BAZ2B: variants seen among roughly 807,000 people sequenced by gnomAD.
The protein encoded by BAZ2B is bromodomain adjacent to zinc finger domain protein 2B.
BAZ2B carries 91 observed loss-of-function variants against 246.0 expected under a neutral mutation model. The observed-to-expected ratio is 0.37, with a 90% CI of 0.31 to 0.44. BAZ2B has a LOEUF of 0.44. Ranked by LOEUF, BAZ2B falls within the 20% of genes least tolerant of loss-of-function variation. The probability of loss-of-function intolerance (pLI) is 1.00; values close to 1 mark genes in which losing one functional copy is unlikely to be tolerated. For synonymous variants in BAZ2B, 855 were observed against 860.0 expected, an observed-to-expected ratio of 0.99 and a Z score of 0.10; for missense variants, 2,332 against 2,533.7, an observed-to-expected ratio of 0.92 and a Z score of 1.71.
rs1410382846 is a variant in BAZ2B at position 159,319,075 on chromosome 2, TAAA to T, written c.*1187_*1189del. 1.3e-5 allele frequency: 2 copies of T among 152,640 alleles called. No individual in the cohort carries two copies. The highest frequency in any genetic ancestry group is 2.9e-5 in the Non-Finnish European group (2 of 68,038). The allele number at this position is 152,640 out of a possible 1,614,324, so 9.5% of individuals were successfully genotyped here. On this transcript the variant is annotated 3_prime_UTR_variant, in exon 37 of 37. Transcript: ENST00000392783. This position sits in a 1 kb window ranked among gnomAD's most constrained non-coding sequence, Gnocchi z 4.0. The stretch of plus-strand genomic sequence containing the variant: ...CTACCTTTTCCACAACATTTTATTT[TAAA>T]TAAAACTTCAAGTACTCTTACGTAG...
rs1298625025 is a variant in BAZ2B, at chr2:159,385,094, AC to A, written c.3686+60del. 3 of 1,488,616 alleles carry A rather than the reference AC, an allele frequency of 2.0e-6. No homozygotes were observed. In the East Asian group the frequency reaches 6.9e-5, roughly 34 times the overall value. The allele number at this position is 1,488,616 out of a possible 1,614,324, so 92.2% of individuals were successfully genotyped here. On this transcript the variant is annotated intron_variant, in intron 23 of 36. Transcript: ENST00000392783. ...CAATTTTCTATAATCAATTTGTATT[AC>A]TTTTTGATTAGAAAAATTCAAAATG... is the stretch of plus-strand genomic sequence containing the variant.
intron 1 of BAZ2B, among the ~76,000 whole-genome samples, chr2:159,597,876 T>C (rs1220059066): frequency 1.3e-5 from 2 of 152,206 alleles, no homozygotes; most frequent in Non-Finnish European, 2.9e-5. Flanking sequence ...CAACTCTCTA[T>C]TTGCATTCCC....
intron 19 of BAZ2B, chr2:159,396,923 G>T: frequency 4.2e-6 from 1 of 236,144 alleles, no homozygotes; most frequent in Non-Finnish European, 6.9e-6. Flanking sequence ...AGACAGACAA[G>T]CAGATGTATG....
intron 2 of BAZ2B, among the ~76,000 whole-genome samples, chr2:159,509,362 G>A (rs1031133046): frequency 6.6e-6 from 1 of 151,998 alleles, no homozygotes; most frequent in East Asian, 1.9e-4. Flanking sequence ...CAAACTCAAC[G>A]ACCACTTCTA....
chr2:159,615,286 T>TGGGG (rs1695678865), intron 1 of BAZ2B: 2 of 136,076 alleles, frequency 1.5e-5, no homozygotes, highest in Non-Finnish European at 1.6e-5. Flanking sequence ...GAACGGGGGC[T>TGGGG]GGGGGGAGGG....
intron 33 of BAZ2B, among the ~76,000 whole-genome samples, chr2:159,333,244 G>T (rs16843897): frequency 0.11 from 16,169 of 152,044 alleles, 1,624 homozygotes; most frequent in African/African-American, 0.26. Flanking sequence ...ACCAGGAAAC[G>T]TTGAAAATCA....
chr2:159,404,666 G>A, intron 16 of BAZ2B, 183 bp downstream of exon 16: 1 of 536,066 alleles, frequency 1.9e-6, no homozygotes, highest in Non-Finnish European at 3.2e-6. Context: ...TTAAACACTT[G>A]GAAGTAGAAG....
chr2:159,596,525 AT>A (rs1425461770), intron 1 of BAZ2B, among the ~76,000 whole-genome samples: 1 of 151,966 alleles, frequency 6.6e-6, no homozygotes, highest in Non-Finnish European at 1.5e-5. Flanking sequence ...CCATTTATTT[AT>A]TTTTTTCTAT....
chr2:159,338,605 C>T (rs542704811), intron 31 of BAZ2B, among the ~76,000 whole-genome samples: 1 of 152,280 alleles, frequency 6.6e-6, no homozygotes, highest in East Asian at 1.9e-4. Context: ...GAAATGTTCA[C>T]CATGGCATTG....
intron 2 of BAZ2B, among the ~76,000 whole-genome samples, chr2:159,503,552 T>C (rs1445604733): frequency 6.6e-6 from 1 of 152,158 alleles, no homozygotes; most frequent in Non-Finnish European, 1.5e-5. Context: ...AACAATTTTT[T>C]ATTTTTTATC....
At chr2:159,324,688 A>C (rs901729069) in intron 36 of BAZ2B, 123 bp downstream of exon 36, 10 of 365,060 alleles carry the variant, frequency 2.7e-5, no homozygotes, top group Middle Eastern at 8.1e-4. Context: ...ACACACACAC[A>C]CCTGCCTCAA....
At chr2:159,597,993 TTC>T (rs1347600624) in intron 1 of BAZ2B, among the ~76,000 whole-genome samples, 1 of 24,054 alleles carries the variant, frequency 4.2e-5, no homozygotes, top group African/African-American at 1.5e-4. Flanking sequence ...CATAGACGTA[TTC>T]TTTTTTTTTT....
chr2:159,422,599 T>C (rs2068963029), intron 13 of BAZ2B, among the ~76,000 whole-genome samples: 1 of 152,104 alleles, frequency 6.6e-6, no homozygotes, highest in Non-Finnish European at 1.5e-5. Flanking sequence ...TAACTCTACA[T>C]GTATTAAAGA....
At chr2:159,552,514 C>A (rs561466960) in intron 2 of BAZ2B, among the ~76,000 whole-genome samples, 1 of 152,038 alleles carries the variant, frequency 6.6e-6, no homozygotes, top group African/African-American at 2.4e-5. Flanking sequence ...AATAATGCAT[C>A]GTTTTATAGG....
At chr2:159,490,304 G>C (rs919429046) in intron 2 of BAZ2B, among the ~76,000 whole-genome samples, 1 of 151,850 alleles carries the variant, frequency 6.6e-6, no homozygotes, top group Non-Finnish European at 1.5e-5. Flanking sequence ...TTTAAAAAAT[G>C]GTCCAATTAT....
chr2:159,708,931 A>G, the BAZ2B span, among the ~76,000 whole-genome samples: 216 of 152,236 alleles, frequency 1.4e-3, 7 homozygotes, highest in East Asian at 0.04. Flanking sequence ...AAGTCAACCA[A>G]CAGAATTTTT....
At chr2:159,488,350 G>A (rs930627716) in intron 2 of BAZ2B, among the ~76,000 whole-genome samples, 1 of 152,156 alleles carries the variant, frequency 6.6e-6, no homozygotes, top group Admixed American at 6.5e-5. Flanking sequence ...TGGGATTACA[G>A]GTGTTAGCTA....
chr2:159,639,836 G>C, the BAZ2B span, among the ~76,000 whole-genome samples: 30 of 152,120 alleles, frequency 2.0e-4, no homozygotes, highest in South Asian at 4.2e-4. Flanking sequence ...AGTGGCAGGA[G>C]TTAGTCCCTA....
the BAZ2B span, among the ~76,000 whole-genome samples, chr2:159,659,469 C>T: frequency 6.6e-6 from 1 of 152,194 alleles, no homozygotes. Flanking sequence ...GATCTCATTT[C>T]CAGGTCTCCC....
Sources: allele counts gnomAD v4.1 joint callset (sites outside exome capture counted in the v4.1 genomes callset), GRCh38; gene constraint gnomAD v4.1.1; non-coding constraint Gnocchi (gnomAD v3.1); transcripts MANE v1.5; gene names NCBI Gene and HGNC (gene_info 2026-07-23, HGNC 2026-07-21).